Variants in SLC38A1 observed in about 807,000 individuals in gnomAD.
SLC38A1 encodes the protein solute carrier family 38 member 1, also known as sodium-coupled neutral amino acid symporter 1.
A neutral mutation model predicts 60.3 loss-of-function variants in SLC38A1; 18 were observed. The ratio of observed to expected loss-of-function variants is 0.30; its 90% confidence interval spans 0.21 to 0.44. The LOEUF is 0.44. SLC38A1 is among the 20% of genes least tolerant of loss of function. The probability of loss-of-function intolerance (pLI) is 1.00; values close to 1 mark genes in which losing one functional copy is unlikely to be tolerated. For missense variants in SLC38A1, 448 were observed against 587.2 expected (o/e 0.76, Z 2.45); for synonymous variants, 196 against 212.1 (o/e 0.92, Z 0.66).
chr12:46,200,948 A>C, intron 13 of SLC38A1, 150 bp downstream of exon 13: 1 of 616,310 alleles, frequency 1.6e-6, no homozygotes, highest in Non-Finnish European at 2.9e-6. Flanking sequence ...TGAAAAGATC[A>C]CCATTGCTTT....
At chr12:46,211,615 G>A (rs896093554) in intron 5 of SLC38A1, among the ~76,000 whole-genome samples, 2 of 152,150 alleles carry the variant, frequency 1.3e-5, no homozygotes, top group South Asian at 4.1e-4. Context: ...CTGGCCCTTT[G>A]AGCATCATAA....
chr12:46,233,690 G>A (rs569513008), intron 3 of SLC38A1, among the ~76,000 whole-genome samples: 1 of 152,308 alleles, frequency 6.6e-6, no homozygotes, highest in East Asian at 1.9e-4. Context: ...TCTGCATAAT[G>A]AGAATAATGA....
In SLC38A1 at chr12:46,184,378, T is replaced by C. The variant is rs1938868037; in HGVS notation, c.*4592A>G. 6.6e-6 allele frequency: 1 copy of C among 152,212 alleles called. No individual in the cohort carries two copies. Among genetic ancestry groups the C allele is most frequent in the Non-Finnish European group, 1.5e-5 (1 of 68,036 alleles). The allele number at this position is 152,212 out of a possible 1,614,324, so 9.4% of individuals were successfully genotyped here. On this transcript the variant is annotated 3_prime_UTR_variant, in exon 17 of 17. Transcript: ENST00000398637. ...GCTAAATGATGGTCTGTATATTCTT[T>C]GTTTTGAAGGTGGCTAGATGTTTGC...
chr12:46,264,437 G>C (rs1942291433), intron 1 of SLC38A1, among the ~76,000 whole-genome samples: 1 of 152,098 alleles, frequency 6.6e-6, no homozygotes, highest in Non-Finnish European at 1.5e-5. Context: ...TCAGTGATTG[G>C]GAAGGTAACA....
In SLC38A1 at chr12:46,245,861, A is replaced by G. The variant is rs563894856; in HGVS notation, c.-208-2547T>C. Among the ~76,000 whole-genome samples the G allele has an allele frequency of 7.2e-5, 11 of 152,164 alleles. No individual in the cohort carries two copies. The East Asian group carries it at 1.7e-3, about 24-fold the overall frequency. On this transcript the variant is annotated intron_variant, in intron 1 of 16. Coordinates refer to ENST00000398637, the MANE Select transcript of SLC38A1 (RefSeq NM_030674.4). ...CTGTTGAGATTTTTCTTCCTTTTTT[A>G]TTTTTATTTCCTTTCTTTAGCTCTA... is the stretch of plus-strand genomic sequence containing the variant.
intron 5 of SLC38A1, among the ~76,000 whole-genome samples, chr12:46,217,760 G>A (rs1162329197): frequency 6.6e-6 from 1 of 152,190 alleles, no homozygotes; most frequent in Non-Finnish European, 1.5e-5. Context: ...TGACCTTGTA[G>A]CATGTGATCA....
chr12:46,259,441 T>C (rs1255005873), intron 1 of SLC38A1, among the ~76,000 whole-genome samples: 2 of 152,236 alleles, frequency 1.3e-5, no homozygotes, highest in African/African-American at 4.8e-5. Flanking sequence ...TGATTGGCAA[T>C]TTTATATACC....
intron 1 of SLC38A1, chr12:46,254,783 A>G (rs1941967634): frequency 6.5e-6 from 1 of 152,918 alleles, no homozygotes; most frequent in Non-Finnish European, 1.5e-5. Flanking sequence ...TTATGCAAAT[A>G]ACTATATTGC....
In SLC38A1 at chr12:46,183,289, T is replaced by A. The variant is rs1938828894; in HGVS notation, c.*5681A>T. The A allele has an allele frequency of 6.6e-6, 1 of 152,196 alleles. No homozygotes were observed. The highest frequency in any genetic ancestry group is 1.5e-5 in the Non-Finnish European group (1 of 68,032). 9.4% of individuals were successfully genotyped at this position (152,196 alleles called of 1,614,324 possible). On this transcript the variant is annotated 3_prime_UTR_variant, in exon 17 of 17. Coordinates refer to ENST00000398637, the MANE Select transcript of SLC38A1 (RefSeq NM_030674.4). Reference sequence around the variant, plus strand: ...TAATAAAACAGTAGTGTGGTACATGTATTGGACTCAGATGAAGTCTAAAGT... The same window carrying A: ...TAATAAAACAGTAGTGTGGTACATGAATTGGACTCAGATGAAGTCTAAAGT...
At chr12:46,265,494 A>C (rs964575493) in intron 1 of SLC38A1, among the ~76,000 whole-genome samples, 1 of 152,228 alleles carries the variant, frequency 6.6e-6, no homozygotes, top group Admixed American at 6.5e-5. Flanking sequence ...ATCCACACAG[A>C]TATTGAAGCA....
In SLC38A1 at chr12:46,259,622, G is replaced by A. The variant is rs146746858; in HGVS notation, c.-209+8904C>T. Among the ~76,000 whole-genome samples, 1,011 of 152,238 alleles carry A rather than the reference G, an allele frequency of 6.6e-3. 10 individuals carry two copies. The highest frequency in any genetic ancestry group is 0.023 in the African/African-American group (939 of 41,538). On this transcript the variant is annotated intron_variant, in intron 1 of 16. Coordinates refer to ENST00000398637, the MANE Select transcript of SLC38A1 (RefSeq NM_030674.4). ...TTTGAAAATCTGGGGCTTTTGGAAG[G>A]TGGGGAATAATAAAAATGGCCTTTG...
intron 3 of SLC38A1, among the ~76,000 whole-genome samples, chr12:46,236,760 T>C (rs1941274543): frequency 6.6e-6 from 1 of 152,178 alleles, no homozygotes; most frequent in African/African-American, 2.4e-5. Flanking sequence ...TACTCAAAGT[T>C]TGGTTCATGG....
chr12:46,260,004 C>A (rs113674317), intron 1 of SLC38A1, among the ~76,000 whole-genome samples: 11 of 152,318 alleles, frequency 7.2e-5, no homozygotes, highest in African/African-American at 2.4e-4. Context: ...GTTAACTTCT[C>A]TTTGCCTTAG....
chr12:46,209,691 A>G (rs1381653053), intron 5 of SLC38A1, among the ~76,000 whole-genome samples: 1 of 152,142 alleles, frequency 6.6e-6, no homozygotes, highest in East Asian at 1.9e-4. Context: ...CTTTTTTTGC[A>G]CCTGGTTCCT....
chr12:46,243,791 C>T (rs765591019), intron 1 of SLC38A1, among the ~76,000 whole-genome samples: 10 of 152,150 alleles, frequency 6.6e-5, no homozygotes, highest in Non-Finnish European at 1.3e-4. Flanking sequence ...TAATAGGTTA[C>T]GAATTACAAT....
chr12:46,209,229 T>G (rs1940041682), intron 5 of SLC38A1, 102 bp from the exon 6 acceptor site: 1 of 731,766 alleles, frequency 1.4e-6, no homozygotes, highest in Non-Finnish European at 2.2e-6. Context: ...TTAACACTAT[T>G]TGTTAATAGT....
intron 16 of SLC38A1, among the ~76,000 whole-genome samples, chr12:46,190,316 A>G (rs896911692): frequency 1.3e-5 from 2 of 152,106 alleles, no homozygotes; most frequent in East Asian, 3.9e-4. Flanking sequence ...CATGTGCCAC[A>G]TTTTCTTAAT....
chr12:46,211,639 C>A (rs573730966), intron 5 of SLC38A1, among the ~76,000 whole-genome samples: 1 of 152,190 alleles, frequency 6.6e-6, no homozygotes, highest in African/African-American at 2.4e-5. Flanking sequence ...GCTATCCCCC[C>A]TTTTCAAGCC....
chr12:46,224,313 C>T (rs1039543402), intron 5 of SLC38A1, among the ~76,000 whole-genome samples: 5 of 152,006 alleles, frequency 3.3e-5, no homozygotes, highest in Non-Finnish European at 5.9e-5. Flanking sequence ...CCACCAGCAT[C>T]CTCAGAATTC....
Sources: allele counts gnomAD v4.1 joint callset (sites outside exome capture counted in the v4.1 genomes callset), GRCh38; gene constraint gnomAD v4.1.1; transcripts MANE v1.5; gene names NCBI Gene and HGNC (gene_info 2026-07-23, HGNC 2026-07-21).